TAF4: variants seen among roughly 807,000 people sequenced by gnomAD.
TAF4 encodes the protein transcription initiation factor TFIID subunit 4.
Under a neutral mutation model 90.3 loss-of-function variants are expected in TAF4, and 9 were observed. The observed-to-expected ratio is 0.10, with a 90% CI of 0.06 to 0.17. The LOEUF (loss-of-function observed/expected upper bound fraction) is 0.17, where lower values mean the gene tolerates loss of function less well. TAF4 is among the 10% of genes least tolerant of loss of function. The pLI is 1.00. For missense variants in TAF4, 1,351 were observed against 1,370.7 expected, an observed-to-expected ratio of 0.99 and a Z score of 0.23; for synonymous variants, 818 against 638.9, an observed-to-expected ratio of 1.28 and a Z score of -4.23.
intron 14 of TAF4, chr20:61,980,919 C>A (rs374111807): frequency 6.6e-6 from 1 of 152,474 alleles, no homozygotes; most frequent in African/African-American, 2.4e-5. Flanking sequence ...AGTCCCAGGG[C>A]CTGAGAGGTG....
rs60437230 is a variant in TAF4 at position 62,004,328 on chromosome 20, C to CTTTTTTTTTTTT, written c.2224-462_2224-451dup. 5.5e-4 allele frequency among the ~76,000 whole-genome samples: 64 copies of CTTTTTTTTTTTT among 117,200 alleles called. 2 individuals carry two copies. The highest frequency in any genetic ancestry group is 9.3e-4 in the African/African-American group (29 of 31,186). The allele number at this position is 117,200 out of a possible 152,430, so 76.9% of individuals were successfully genotyped here. A position where few individuals can be genotyped will look rare whatever the true frequency, so the allele number is the denominator to read the frequency against. ...TGAATTTTCTTTTTTCTTTTCTTTT[C>CTTTTTTTTTTTT]TTTTTTTTTTTTTTTTTGAGACAAG... On this transcript the variant is annotated intron_variant, in intron 7 of 14. Coordinates refer to ENST00000252996, the MANE Select transcript of TAF4 (RefSeq NM_003185.4).
intron 9 of TAF4, among the ~76,000 whole-genome samples, chr20:62,002,035 C>T (rs2055708434): frequency 6.6e-6 from 1 of 152,214 alleles, no homozygotes; most frequent in Non-Finnish European, 1.5e-5. Context: ...CAGGGGTTTG[C>T]GTCAGCATTC....
intron 10 of TAF4, 39 bp from the exon 11 acceptor site, chr20:62,000,293 T>G (rs761489919): frequency 2.5e-6 from 4 of 1,604,344 alleles, no homozygotes; most frequent in Non-Finnish European, 3.4e-6. Context: ...TTAAAATCAT[T>G]AAGCACAGTT....
intron 14 of TAF4, chr20:61,980,530 A>T (rs1196442972): frequency 6.6e-6 from 1 of 152,304 alleles, no homozygotes; most frequent in African/African-American, 2.4e-5. Flanking sequence ...GTGCCTAACC[A>T]TTTACGGGGT....
At chr20:62,028,157 A>C (rs1226950358) in intron 1 of TAF4, among the ~76,000 whole-genome samples, 3 of 152,140 alleles carry the variant, frequency 2.0e-5, no homozygotes, top group Admixed American at 1.3e-4. Context: ...GGGATGCTGG[A>C]GGTGCTAAGG....
At chr20:62,004,119 A>G (rs1404977277) in intron 7 of TAF4, among the ~76,000 whole-genome samples, 1 of 152,164 alleles carries the variant, frequency 6.6e-6, no homozygotes, top group African/African-American at 2.4e-5. Context: ...AGAAGGGGCA[A>G]GCGGGAGCAG....
intron 14 of TAF4, among the ~76,000 whole-genome samples, chr20:61,987,614 T>C (rs1041031078): frequency 4.6e-5 from 7 of 152,200 alleles, no homozygotes; most frequent in African/African-American, 1.4e-4. Flanking sequence ...CCCTCAGCCG[T>C]GGCTGCTGGG....
chr20:62,016,540 CTGGCCTTACACCAGTG>C (rs2055812994), intron 1 of TAF4, among the ~76,000 whole-genome samples: 1 of 152,220 alleles, frequency 6.6e-6, no homozygotes, highest in South Asian at 2.1e-4. Context: ...TTTTAGACTC[CTGGCCTTACACCAGTG>C]GTTTGCCAGG....
At chr20:62,038,139 C>T (rs1267206047) in intron 1 of TAF4, among the ~76,000 whole-genome samples, 2 of 152,166 alleles carry the variant, frequency 1.3e-5, no homozygotes, top group Non-Finnish European at 1.5e-5. Flanking sequence ...TGCCATTCTC[C>T]TGCCTCAGCC....
Position 62,010,693 on chromosome 20 carries a change from G to A in TAF4, c.1642-528C>T, listed in dbSNP as rs1003757182. Among the ~76,000 whole-genome samples the A allele has an allele frequency of 6.6e-6, 1 of 152,152 alleles. No homozygotes were observed. Among genetic ancestry groups the A allele is most frequent in the Non-Finnish European group, 1.5e-5 (1 of 68,038 alleles). ...CCACCTTTCTTTACTCCCCAAAAGT[G>A]AGTGTCAACAAGAAGCCTCCCACAG... On this transcript the variant is annotated intron_variant, in intron 3 of 14. Coordinates refer to ENST00000252996, the MANE Select transcript of TAF4 (RefSeq NM_003185.4). The surrounding 1 kb of genome is among the most constrained non-coding windows in gnomAD (Gnocchi z 4.5).
At chr20:62,033,632 G>A (rs889044526) in intron 1 of TAF4, among the ~76,000 whole-genome samples, 3 of 152,012 alleles carry the variant, frequency 2.0e-5, no homozygotes, top group Non-Finnish European at 4.4e-5. Context: ...AGCTACTCGG[G>A]AGGCTGAAGC....
chr20:62,054,738 T>A (rs931336089), intron 1 of TAF4, among the ~76,000 whole-genome samples: 3 of 151,970 alleles, frequency 2.0e-5, no homozygotes, highest in African/African-American at 7.3e-5. Flanking sequence ...GCCTTGGAGG[T>A]GCCGGCACCT....
chr20:62,033,532 T>C (rs1272151182), intron 1 of TAF4, among the ~76,000 whole-genome samples: 1 of 145,486 alleles, frequency 6.9e-6, no homozygotes, highest in Admixed American at 6.8e-5. Flanking sequence ...AGGTAAGGGG[T>C]TCAAGATCAG....
intron 1 of TAF4, among the ~76,000 whole-genome samples, chr20:62,061,691 T>A (rs1006344188): frequency 6.6e-6 from 1 of 152,246 alleles, no homozygotes; most frequent in Admixed American, 6.5e-5. Flanking sequence ...TATCCTAAGC[T>A]GTACATAACT....
intron 1 of TAF4, among the ~76,000 whole-genome samples, chr20:62,046,293 T>C (rs1469090229): frequency 6.6e-6 from 1 of 152,246 alleles, no homozygotes; most frequent in East Asian, 1.9e-4. Flanking sequence ...TTTGGGCAAA[T>C]GTATACAGTT....
intron 11 of TAF4, 78 bp from the exon 12 acceptor site, chr20:61,999,186 C>T: frequency 6.4e-7 from 1 of 1,556,184 alleles, no homozygotes; most frequent in Non-Finnish European, 8.7e-7. Context: ...CACCACTGGA[C>T]CATCCGTGCA....
At chr20:62,055,331 C>A (rs555302286) in intron 1 of TAF4, among the ~76,000 whole-genome samples, 1 of 151,072 alleles carries the variant, frequency 6.6e-6, no homozygotes, top group Non-Finnish European at 1.5e-5. Flanking sequence ...ATGCTGCCTG[C>A]GGGCAGTCCT....
intron 1 of TAF4, among the ~76,000 whole-genome samples, chr20:62,039,743 T>C (rs2055953374): frequency 6.6e-6 from 1 of 152,230 alleles, no homozygotes; most frequent in Non-Finnish European, 1.5e-5. Flanking sequence ...AACAATTCTA[T>C]CTGATAAATT....
At position 62,006,781 on chromosome 20, in the gene TAF4, G is replaced by A; in HGVS notation, c.1975-23C>T. 3.4e-6 allele frequency: 5 copies of A among 1,456,908 alleles called. No individual in the cohort carries two copies. The highest frequency in any genetic ancestry group is 1.9e-4 in the Middle Eastern group (1 of 5,354). 90.2% of individuals were successfully genotyped at this position (1,456,908 alleles called of 1,614,324 possible). The stretch of plus-strand genomic sequence containing the variant: ...CCTCTGGGTGGAAAGACAGACACGA[G>A]GGGTCAGGCGGCTGCTCATGCGTCG... On this transcript the variant is annotated intron_variant, in intron 6 of 14. Coordinates refer to ENST00000252996, the MANE Select transcript of TAF4 (RefSeq NM_003185.4). This position sits in a 1 kb window ranked among gnomAD's most constrained non-coding sequence, Gnocchi z 7.0.
Sources: allele counts gnomAD v4.1 joint callset (sites outside exome capture counted in the v4.1 genomes callset), GRCh38; gene constraint gnomAD v4.1.1; non-coding constraint Gnocchi (gnomAD v3.1); transcripts MANE v1.5; gene names NCBI Gene and HGNC (gene_info 2026-07-23, HGNC 2026-07-21).